PCDH9: variants seen among roughly 807,000 people sequenced by gnomAD.
PCDH9 encodes the protein protocadherin-9.
PCDH9 carries 24 observed loss-of-function variants against 70.6 expected under a neutral mutation model. That is an observed-to-expected ratio of 0.34 (90% CI 0.25 to 0.48). The LOEUF is 0.48. Ranked by LOEUF, PCDH9 falls within the 20% of genes least tolerant of loss-of-function variation. PCDH9 has a pLI of 0.99. For synonymous variants in PCDH9, 562 were observed against 558.5 expected (o/e 1.01, Z -0.09); for missense variants, 1,281 against 1,503.6 (o/e 0.85, Z 2.45).
chr13:66,454,920 A>G (rs1282265639), intron 4 of PCDH9, among the ~76,000 whole-genome samples: 2 of 152,146 alleles, frequency 1.3e-5, no homozygotes, highest in Non-Finnish European at 2.9e-5. Flanking sequence ...AAAATTATCA[A>G]ATTTCAATCT....
At chr13:66,472,459 C>A (rs926283614) in intron 4 of PCDH9, among the ~76,000 whole-genome samples, 1 of 151,744 alleles carries the variant, frequency 6.6e-6, no homozygotes, top group Non-Finnish European at 1.5e-5. Context: ...GTAGTCCTAG[C>A]TTCAGAGGCT....
rs554916070 is a variant in PCDH9 at position 67,156,077 on chromosome 13, G to A, written c.3036+69328C>T. Among the ~76,000 whole-genome samples the A allele has an allele frequency of 1.1e-4, 16 of 152,064 alleles. No individual in the cohort carries two copies. In the South Asian group the frequency reaches 2.7e-3, roughly 26 times the overall value. The stretch of plus-strand genomic sequence containing the variant: ...GACCATGGTCCCTTTAAATGATACG[G>A]GAGTGCTGGGTAGAGGAAGGGTGTG... On this transcript the variant is annotated intron_variant, in intron 2 of 4. Transcript: ENST00000377865.
At chr13:66,488,806 A>G (rs1958988440) in intron 4 of PCDH9, among the ~76,000 whole-genome samples, 1 of 152,204 alleles carries the variant, frequency 6.6e-6, no homozygotes, top group Non-Finnish European at 1.5e-5. Context: ...AAAAAGTGCT[A>G]GTAATCCATC....
Position 66,615,807 on chromosome 13 carries a change from A to C in PCDH9, c.3340+15403T>G, listed in dbSNP as rs1026183102. Among the ~76,000 whole-genome samples, 8 of 152,236 alleles carry C rather than the reference A, an allele frequency of 5.3e-5. No homozygotes were observed. The East Asian group carries it at 1.2e-3, about 22-fold the overall frequency. On this transcript the variant is annotated intron_variant, in intron 4 of 4. Coordinates refer to ENST00000377865, the MANE Select transcript of PCDH9 (RefSeq NM_203487.3). The stretch of plus-strand genomic sequence containing the variant: ...TTTTGAACTATTTATGGCCTTTAAT[A>C]ATTAAATAAGGCATACTCCTATGAA...
intron 2 of PCDH9, among the ~76,000 whole-genome samples, chr13:66,980,742 G>GTTTTTTTTTTTT (rs550869529): frequency 5.0e-4 from 54 of 107,338 alleles, no homozygotes; most frequent in Non-Finnish European, 7.4e-4. Context: ...TTTTTTTTTT[G>GTTTTTTTTTTTT]TTTTTTTTTT....
Position 66,848,718 on chromosome 13 carries a change from T to C in PCDH9, c.3138+54786A>G, listed in dbSNP as rs1048658332. Among the ~76,000 whole-genome samples the C allele has an allele frequency of 2.6e-5, 4 of 151,500 alleles. No individual in the cohort carries two copies. In the East Asian group the frequency reaches 7.8e-4, roughly 30 times the overall value. On this transcript the variant is annotated intron_variant, in intron 3 of 4. Transcript: ENST00000377865. ...CTGAGGCGGGCGGATCACGAGGTCA[T>C]GAGAGCGAGACCATCCTGGCTAACA...
At chr13:67,030,522 CCT>C (rs1232291633) in intron 2 of PCDH9, among the ~76,000 whole-genome samples, 10 of 151,978 alleles carry the variant, frequency 6.6e-5, no homozygotes, top group African/African-American at 1.7e-4. Context: ...TTTCCCAGCC[CCT>C]GTTAGCCATC....
chr13:66,905,574 G>A (rs888675343), intron 2 of PCDH9, among the ~76,000 whole-genome samples: 2 of 152,112 alleles, frequency 1.3e-5, no homozygotes, highest in Non-Finnish European at 2.9e-5. Flanking sequence ...CAGGAAGCTA[G>A]AGTAAATTTT....
intron 3 of PCDH9, among the ~76,000 whole-genome samples, chr13:66,700,923 A>ATATATATATATATATAT (rs1566514288): frequency 1.7e-5 from 1 of 58,452 alleles, no homozygotes; most frequent in Non-Finnish European, 3.2e-5. Flanking sequence ...TGTACATATA[A>ATATATATATATATATAT]ATATATATAT....
chr13:66,984,204 T>C (rs1449613642), intron 2 of PCDH9, among the ~76,000 whole-genome samples: 1 of 152,138 alleles, frequency 6.6e-6, no homozygotes, highest in Non-Finnish European at 1.5e-5. Flanking sequence ...CAGATTCCAG[T>C]TACTGTAACA....
intron 3 of PCDH9, among the ~76,000 whole-genome samples, chr13:66,737,187 CAT>C (rs2079163140): frequency 1.6e-5 from 1 of 63,538 alleles, no homozygotes. Context: ...TAAGTTAAAA[CAT>C]GTATTTGTTC....
At chr13:66,892,863 T>A (rs1376907198) in intron 3 of PCDH9, among the ~76,000 whole-genome samples, 1 of 152,126 alleles carries the variant, frequency 6.6e-6, no homozygotes, top group Non-Finnish European at 1.5e-5. Context: ...TATGTACACA[T>A]ACAAGCACAC....
intron 4 of PCDH9, among the ~76,000 whole-genome samples, chr13:66,622,541 G>A (rs1162936908): frequency 2.0e-5 from 3 of 152,162 alleles, no homozygotes; most frequent in South Asian, 2.1e-4. Context: ...CTCAGGGTTT[G>A]TGAATGCACC....
chr13:67,133,623 A>C (rs1254731427), intron 2 of PCDH9, among the ~76,000 whole-genome samples: 3 of 152,088 alleles, frequency 2.0e-5, no homozygotes, highest in Non-Finnish European at 4.4e-5. Flanking sequence ...TCTATATCAA[A>C]GGGAGATAAA....
chr13:67,035,999 GA>G (rs1213218276), intron 2 of PCDH9, among the ~76,000 whole-genome samples: 1 of 152,078 alleles, frequency 6.6e-6, no homozygotes, highest in East Asian at 1.9e-4. Context: ...TGACAAGGAG[GA>G]ACAAATATAT....
At chr13:66,434,342 C>G (rs776537163) in intron 4 of PCDH9, among the ~76,000 whole-genome samples, 9 of 151,874 alleles carry the variant, frequency 5.9e-5, no homozygotes, top group Non-Finnish European at 1.2e-4. Context: ...TTTGTTCTTA[C>G]TTTCGGTAAA....
At chr13:66,761,165 G>A (rs543484056) in intron 3 of PCDH9, among the ~76,000 whole-genome samples, 6 of 75,100 alleles carry the variant, frequency 8.0e-5, no homozygotes, top group South Asian at 7.0e-4. Context: ...TTTGAATATC[G>A]CTAATAAAAA....
At chr13:66,515,730 T>C (rs1447039600) in intron 4 of PCDH9, among the ~76,000 whole-genome samples, 1 of 152,032 alleles carries the variant, frequency 6.6e-6, no homozygotes, top group Non-Finnish European at 1.5e-5. Flanking sequence ...ATGTAAATAG[T>C]AAAATTTATA....
intron 4 of PCDH9, among the ~76,000 whole-genome samples, chr13:66,351,846 T>TA (rs1956297049): frequency 8.7e-6 from 1 of 114,616 alleles, no homozygotes; most frequent in African/African-American, 2.8e-5. Context: ...TCTTTTCTTT[T>TA]CTTTTTTTTT....
Sources: allele counts gnomAD v4.1 joint callset (sites outside exome capture counted in the v4.1 genomes callset), GRCh38; gene constraint gnomAD v4.1.1; transcripts MANE v1.5; gene names NCBI Gene and HGNC (gene_info 2026-07-23, HGNC 2026-07-21).